Variants in WDFY3 observed in about 807,000 individuals in gnomAD.
The protein encoded by WDFY3 is WD repeat and FYVE domain containing 3.
In WDFY3, 66 loss-of-function variants were observed where a neutral mutation model predicts 409.6. The observed-to-expected ratio is 0.16, with a 90% confidence interval of 0.13 to 0.20. The LOEUF is 0.20. WDFY3 is among the 10% of genes least tolerant of loss of function. The pLI is 1.00. For missense variants in WDFY3, 3,031 were observed against 4,298.1 expected (o/e 0.71, Z 8.24); for synonymous variants, 1,521 against 1,537.1 (o/e 0.99, Z 0.25).
At chr4:84,920,166 G>C (rs1479505984) in intron 2 of WDFY3, among the ~76,000 whole-genome samples, 2 of 152,124 alleles carry the variant, frequency 1.3e-5, no homozygotes, top group East Asian at 3.9e-4. Flanking sequence ...TCTAGATTAA[G>C]GGTACTAAAA....
At chr4:84,939,973 G>T (rs988142330) in intron 1 of WDFY3, among the ~76,000 whole-genome samples, 4 of 152,040 alleles carry the variant, frequency 2.6e-5, no homozygotes, top group Non-Finnish European at 5.9e-5. Flanking sequence ...ACATATGTCT[G>T]TACATGCAAT....
chr4:84,896,938 T>A lies in WDFY3; in HGVS notation c.-59A>T, dbSNP rs761735141. ...TTAGGGAATTCCTTGGGTAACAGGT[T>A]CTGAATGTGTGAGCACAATAGGGCC... On this transcript the variant is annotated 5_prime_UTR_variant, in exon 3 of 68. Coordinates refer to ENST00000295888, the MANE Select transcript of WDFY3 (RefSeq NM_014991.6). 1 of 152,210 alleles carries A rather than the reference T, an allele frequency of 6.6e-6. No individual in the cohort carries two copies. Among genetic ancestry groups the A allele is most frequent in the East Asian group, 1.9e-4 (1 of 5,204 alleles). 9.4% of individuals were successfully genotyped at this position (152,210 alleles called of 1,614,324 possible). A position where few individuals can be genotyped will look rare whatever the true frequency, so the allele number is the denominator to read the frequency against.
chr4:84,688,335 C>T, intron 61 of WDFY3, 70 bp from the exon 62 acceptor site: 2 of 1,485,824 alleles, frequency 1.3e-6, no homozygotes, highest in Non-Finnish European at 9.1e-7. Context: ...ACTCCAGAAG[C>T]TCCTGGATGC....
intron 14 of WDFY3, 26 bp from the exon 15 acceptor site, chr4:84,808,443 G>A (rs376973788): frequency 3.1e-6 from 5 of 1,603,824 alleles, no homozygotes; most frequent in South Asian, 1.1e-5. Flanking sequence ...CAGACAGGGT[G>A]GTTTAGAGAG....
chr4:84,962,937 G>C (rs1397481023), intron 1 of WDFY3, among the ~76,000 whole-genome samples: 2 of 151,690 alleles, frequency 1.3e-5, no homozygotes, highest in Non-Finnish European at 2.9e-5. Context: ...GCCTCCCAAA[G>C]TGCTGGGATT....
At chr4:84,852,369 C>G (rs1328623146) in intron 4 of WDFY3, among the ~76,000 whole-genome samples, 2 of 152,068 alleles carry the variant, frequency 1.3e-5, no homozygotes, top group African/African-American at 4.8e-5. Flanking sequence ...TGACCAAAAC[C>G]ATGAAAAGCA....
At chr4:84,755,162 G>A (rs1466511659) in intron 34 of WDFY3, 104 bp downstream of exon 34, 85 of 1,469,164 alleles carry the variant, frequency 5.8e-5, no homozygotes, top group Non-Finnish European at 1.5e-5. Context: ...CAGAGATCAT[G>A]CAGTAAATAA....
At chr4:84,733,895 A>G (rs181535256) in intron 43 of WDFY3, among the ~76,000 whole-genome samples, 147 of 152,288 alleles carry the variant, frequency 9.7e-4, no homozygotes, top group Non-Finnish European at 1.6e-3. Flanking sequence ...GGCACAGGAA[A>G]GATGGTAATA....
rs1234247769 is a variant in WDFY3, at chr4:84,910,884, AT to A, written c.-131-13875del. Among the ~76,000 whole-genome samples, 936 of 136,142 alleles carry A rather than the reference AT, an allele frequency of 6.9e-3. 2 individuals are homozygous for A. The highest frequency in any genetic ancestry group is 7.5e-3 in the Middle Eastern group (2 of 266). The allele number at this position is 136,142 out of a possible 152,430, so 89.3% of individuals were successfully genotyped here. A position where few individuals can be genotyped will look rare whatever the true frequency, so the allele number is the denominator to read the frequency against. On this transcript the variant is annotated intron_variant, in intron 2 of 67. Transcript: ENST00000295888. ...CCATGTCTGGCTAATTTTTTTCTGT[AT>A]TTTTTTTTTTTTTTAGTAGAGACAG...
intron 44 of WDFY3, among the ~76,000 whole-genome samples, chr4:84,730,319 A>AT (rs1268505222): frequency 6.6e-6 from 1 of 152,220 alleles, no homozygotes; most frequent in Non-Finnish European, 1.5e-5. Flanking sequence ...AAAAAAGTCT[A>AT]TAACTTAGGG....
intron 3 of WDFY3, among the ~76,000 whole-genome samples, chr4:84,879,804 T>C (rs530448803): frequency 2.0e-5 from 3 of 151,722 alleles, no homozygotes; most frequent in Admixed American, 6.6e-5. Flanking sequence ...AACAACCCAA[T>C]AGAAAAATGA....
intron 3 of WDFY3, among the ~76,000 whole-genome samples, chr4:84,868,568 C>T (rs182101314): frequency 1.3e-5 from 2 of 152,098 alleles, no homozygotes; most frequent in Admixed American, 1.3e-4. Flanking sequence ...CCCTGAGCTA[C>T]CCAATTTCTC....
intron 4 of WDFY3, among the ~76,000 whole-genome samples, chr4:84,855,025 T>C (rs571402915): frequency 6.6e-6 from 1 of 152,194 alleles, no homozygotes. Context: ...GTGAAATTCA[T>C]AACAGATTAA....
chr4:84,766,106 A>G lies in WDFY3; in HGVS notation c.4971-79T>C, dbSNP rs1743584688. On this transcript the variant is annotated intron_variant, in intron 31 of 67. Coordinates refer to ENST00000295888, the MANE Select transcript of WDFY3 (RefSeq NM_014991.6). ...TAGGATTTCAAATCAAAAAGGAAAAAGAAGACTGAGTTTCATTCTGGAGAT... is the reference window on the plus strand; with the variant it reads ...TAGGATTTCAAATCAAAAAGGAAAAGGAAGACTGAGTTTCATTCTGGAGAT... 1.2e-5 allele frequency: 19 copies of G among 1,533,894 alleles called. No individual in the cohort carries two copies. The South Asian group carries it at 2.1e-4, about 17-fold the overall frequency.
intron 52 of WDFY3, 114 bp from the exon 53 acceptor site, chr4:84,709,142 G>A (rs1431941260): frequency 1.4e-6 from 2 of 1,453,132 alleles, no homozygotes; most frequent in Admixed American, 2.2e-5. Context: ...ACAGATTTCA[G>A]AACAATGAAA....
intron 6 of WDFY3, among the ~76,000 whole-genome samples, chr4:84,838,010 A>C (rs1756832082): frequency 6.6e-6 from 1 of 152,214 alleles, no homozygotes; most frequent in Non-Finnish European, 1.5e-5. Context: ...GGCTAATATA[A>C]AAGGGATTGA....
intron 1 of WDFY3, among the ~76,000 whole-genome samples, chr4:84,964,356 C>T (rs1214004334): frequency 5.3e-5 from 8 of 152,300 alleles, no homozygotes; most frequent in Non-Finnish European, 8.8e-5. Context: ...GTAGTCCTAA[C>T]TTCTTGGGAG....
intron 1 of WDFY3, among the ~76,000 whole-genome samples, chr4:84,951,808 T>A (rs190441020): frequency 9.0e-4 from 137 of 152,324 alleles, no homozygotes; most frequent in Non-Finnish European, 3.7e-4. Flanking sequence ...AAGCCACTAT[T>A]AAACCCTGTG....
rs543246275 is a variant in WDFY3, at chr4:84,884,110, A to C, written c.-32+12801T>G. On this transcript the variant is annotated intron_variant, in intron 3 of 67. Transcript: ENST00000295888. ...CTTTCTTTGTGAAATTACACAAAAC[A>C]AAGTCATTCTATGGTCAAAACTGAG... Among the ~76,000 whole-genome samples the C allele has an allele frequency of 7.2e-5, 11 of 152,268 alleles. No individual in the cohort carries two copies. The East Asian group carries it at 2.1e-3, about 29-fold the overall frequency.
Sources: allele counts gnomAD v4.1 joint callset (sites outside exome capture counted in the v4.1 genomes callset), GRCh38; gene constraint gnomAD v4.1.1; transcripts MANE v1.5; gene names NCBI Gene and HGNC (gene_info 2026-07-23, HGNC 2026-07-21).